EHBP1: variants seen among roughly 807,000 people sequenced by gnomAD.
The protein encoded by EHBP1 is EH domain-binding protein 1.
In EHBP1, 55 loss-of-function variants were observed where a neutral mutation model predicts 144.0. That is an observed-to-expected ratio of 0.38 (90% confidence interval 0.31 to 0.48). The LOEUF is 0.48. EHBP1 is among the 20% of genes least tolerant of loss of function. The pLI is 0.98. For missense variants in EHBP1, 1,200 were observed against 1,364.2 expected, an observed-to-expected ratio of 0.88 and a Z score of 1.90; for synonymous variants, 469 against 472.7, an observed-to-expected ratio of 0.99 and a Z score of 0.10.
chr2:62,926,763 G>A (rs924077689), intron 10 of EHBP1, among the ~76,000 whole-genome samples: 1 of 151,998 alleles, frequency 6.6e-6, no homozygotes, highest in Non-Finnish European at 1.5e-5. Context: ...CACTATAGCC[G>A]CTATGGAGAA....
intron 10 of EHBP1, among the ~76,000 whole-genome samples, chr2:62,883,922 GATGCGTCACTGCACTCCAGCCGGTA>G (rs753972966): frequency 3.4e-4 from 52 of 152,324 alleles, no homozygotes; most frequent in Admixed American, 7.2e-4. Flanking sequence ...AGTGAGCCGT[GATGCGTCACTGCACTCCAGCCGGTA>G]TGGCAGAGTG....
chr2:62,819,789 C>T (rs1318973342), intron 5 of EHBP1, among the ~76,000 whole-genome samples: 2 of 150,532 alleles, frequency 1.3e-5, no homozygotes, highest in African/African-American at 2.4e-5. Flanking sequence ...AAAAAACCCG[C>T]GACAACCCAT....
chr2:62,952,753 T>G (rs1197291699), intron 13 of EHBP1, among the ~76,000 whole-genome samples: 2 of 152,228 alleles, frequency 1.3e-5, no homozygotes, highest in African/African-American at 2.4e-5. Flanking sequence ...CTTCTCCACT[T>G]GATGCTTATA....
chr2:62,714,892 G>C (rs367678236), intron 2 of EHBP1, among the ~76,000 whole-genome samples: 3 of 152,186 alleles, frequency 2.0e-5, no homozygotes, highest in Non-Finnish European at 4.4e-5. Flanking sequence ...ACAATACTTT[G>C]ACTTTTGGGG....
intron 10 of EHBP1, among the ~76,000 whole-genome samples, chr2:62,905,027 A>C (rs2053685507): frequency 6.6e-6 from 1 of 152,218 alleles, no homozygotes; most frequent in African/African-American, 2.4e-5. Context: ...GAGTGCCAGA[A>C]AGATGATATT....
At chr2:62,758,975 A>G (rs1054821014) in intron 3 of EHBP1, among the ~76,000 whole-genome samples, 7 of 152,248 alleles carry the variant, frequency 4.6e-5, no homozygotes, top group Non-Finnish European at 4.4e-5. Context: ...TTTCAATTTT[A>G]CAGGAATCAG....
At chr2:62,748,374 G>A (rs2039353130) in intron 3 of EHBP1, among the ~76,000 whole-genome samples, 1 of 151,934 alleles carries the variant, frequency 6.6e-6, no homozygotes, top group Non-Finnish European at 1.5e-5. Flanking sequence ...TTCTATCCTG[G>A]CCAGATTCTA....
chr2:62,708,573 T>C (rs1426507111), intron 2 of EHBP1, among the ~76,000 whole-genome samples: 1 of 152,162 alleles, frequency 6.6e-6, no homozygotes, highest in African/African-American at 2.4e-5. Flanking sequence ...GGAGGGTAAT[T>C]GTGAAGATTA....
intron 5 of EHBP1, among the ~76,000 whole-genome samples, chr2:62,791,521 G>A (rs574455619): frequency 6.6e-6 from 1 of 151,776 alleles, no homozygotes; most frequent in African/African-American, 2.4e-5. Context: ...ATACATTTTT[G>A]AATAATATAA....
At chr2:62,846,887 TTAAGA>T (rs1309152303) in intron 7 of EHBP1, among the ~76,000 whole-genome samples, 1 of 152,208 alleles carries the variant, frequency 6.6e-6, no homozygotes, top group Non-Finnish European at 1.5e-5. Flanking sequence ...TACAGTATTG[TTAAGA>T]TATCATTTTT....
rs963632011 is a variant in EHBP1 at position 63,045,264 on chromosome 2, C to A, written c.3392+84C>A. 1.9e-5 allele frequency: 27 copies of A among 1,413,610 alleles called. No individual in the cohort carries two copies. The highest frequency in any genetic ancestry group is 2.3e-5 in the Non-Finnish European group (24 of 1,024,670). The allele number at this position is 1,413,610 out of a possible 1,614,324, so 87.6% of individuals were successfully genotyped here. On this transcript the variant is annotated intron_variant, in intron 22 of 22. Transcript: ENST00000431489. This position sits in a 1 kb window ranked among gnomAD's most constrained non-coding sequence, Gnocchi z 5.7. ...TGCGGAAAGTTCAATCCAGAGGTCG[C>A]GGGAGGGCCGGGGCAGCCTCCCACT...
In EHBP1 at chr2:62,864,990, G is replaced by T; in HGVS notation, c.998+19G>T. 1 of 1,609,700 alleles carries T rather than the reference G, an allele frequency of 6.2e-7. No homozygotes were observed. The highest frequency in any genetic ancestry group is 1.3e-5 in the African/African-American group (1 of 74,704). On this transcript the variant is annotated intron_variant, in intron 9 of 22. Coordinates refer to ENST00000431489, the MANE Select transcript of EHBP1 (RefSeq NM_001142616.3). The stretch of plus-strand genomic sequence containing the variant: ...TGGATGAGTAAGTACATTTCATTTT[G>T]CTGTCATCACAAGTTAGTCTCTATG...
At chr2:62,907,878 T>G (rs1016168401) in intron 10 of EHBP1, among the ~76,000 whole-genome samples, 2 of 152,234 alleles carry the variant, frequency 1.3e-5, no homozygotes, top group African/African-American at 4.8e-5. Context: ...TTCCTACAAG[T>G]TAACTTTAAT....
At chr2:62,732,164 T>C (rs1223650733) in intron 2 of EHBP1, among the ~76,000 whole-genome samples, 1 of 152,210 alleles carries the variant, frequency 6.6e-6, no homozygotes, top group African/African-American at 2.4e-5. Context: ...TATTTTCCTT[T>C]GTGTTTGATT....
At chr2:62,952,654 G>A (rs1299085218) in intron 13 of EHBP1, among the ~76,000 whole-genome samples, 3 of 152,020 alleles carry the variant, frequency 2.0e-5, no homozygotes, top group African/African-American at 7.2e-5. Flanking sequence ...TATTATATGT[G>A]GGAAATCTGA....
intron 7 of EHBP1, among the ~76,000 whole-genome samples, chr2:62,832,976 AAC>A (rs1228738188): frequency 6.6e-6 from 1 of 152,240 alleles, no homozygotes; most frequent in Non-Finnish European, 1.5e-5. Flanking sequence ...CAAACAGTTA[AAC>A]AAGTTGTGAA....
intron 10 of EHBP1, among the ~76,000 whole-genome samples, chr2:62,925,473 T>A (rs2055429734): frequency 6.6e-6 from 1 of 152,010 alleles, no homozygotes; most frequent in Non-Finnish European, 1.5e-5. Flanking sequence ...GGAAGTTGAA[T>A]CTGTGCTCTC....
At chr2:62,863,026 T>TA (rs1448586222) in intron 8 of EHBP1, among the ~76,000 whole-genome samples, 1 of 152,208 alleles carries the variant, frequency 6.6e-6, no homozygotes. Flanking sequence ...CTCACGCCTG[T>TA]AATCCCAGCA....
intron 14 of EHBP1, among the ~76,000 whole-genome samples, chr2:62,969,160 A>G (rs913650668): frequency 1.3e-4 from 20 of 152,184 alleles, no homozygotes; most frequent in African/African-American, 4.8e-4. Flanking sequence ...AGAAACACAA[A>G]ATAATTGCTT....
Sources: allele counts gnomAD v4.1 joint callset (sites outside exome capture counted in the v4.1 genomes callset), GRCh38; gene constraint gnomAD v4.1.1; non-coding constraint Gnocchi (gnomAD v3.1); transcripts MANE v1.5; gene names NCBI Gene and HGNC (gene_info 2026-07-23, HGNC 2026-07-21).